TSHZ2: variants seen among roughly 807,000 people sequenced by gnomAD.
TSHZ2 encodes teashirt homolog 2.
Under a neutral mutation model 74.4 loss-of-function variants are expected in TSHZ2, and 21 were observed. The observed-to-expected ratio is 0.28, with a 90% CI of 0.20 to 0.41. The LOEUF (loss-of-function observed/expected upper bound fraction) is 0.41. Ranked by LOEUF, TSHZ2 falls within the 10% of genes least tolerant of loss-of-function variation. The pLI is 1.00. For synonymous variants in TSHZ2, 540 were observed against 515.3 expected (o/e 1.05, Z -0.65); for missense variants, 1,244 against 1,293.5 (o/e 0.96, Z 0.59).
intron 1 of TSHZ2, among the ~76,000 whole-genome samples, chr20:53,136,879 A>G (rs938824219): frequency 3.3e-5 from 5 of 152,046 alleles, no homozygotes; most frequent in African/African-American, 1.2e-4. Flanking sequence ...CCTGATTAAA[A>G]TGACTGTTAG....
chr20:52,979,788 G>C (rs554949877), intron 1 of TSHZ2, among the ~76,000 whole-genome samples: 1 of 152,210 alleles, frequency 6.6e-6, no homozygotes, highest in Non-Finnish European at 1.5e-5. Flanking sequence ...TAAAATTCAG[G>C]AGGCACAGCA....
intron 1 of TSHZ2, among the ~76,000 whole-genome samples, chr20:53,065,743 C>A (rs1223124852): frequency 1.3e-5 from 2 of 152,172 alleles, no homozygotes; most frequent in African/African-American, 2.4e-5. Context: ...GTGCTGCAGA[C>A]GTGAATATAT....
chr20:53,371,256 C>A (rs467670), intron 2 of TSHZ2, among the ~76,000 whole-genome samples: 1 of 152,010 alleles, frequency 6.6e-6, no homozygotes, highest in African/African-American at 2.4e-5. Flanking sequence ...ATGGATATGA[C>A]CTCTATTATA....
intron 1 of TSHZ2, among the ~76,000 whole-genome samples, chr20:53,000,543 G>A (rs529788265): frequency 1.3e-3 from 201 of 152,070 alleles, no homozygotes; most frequent in African/African-American, 4.7e-3. Context: ...CCAATGTAAA[G>A]AAAAAAATGA....
chr20:53,099,631 G>C (rs1986158098), intron 1 of TSHZ2, among the ~76,000 whole-genome samples: 1 of 152,196 alleles, frequency 6.6e-6, no homozygotes, highest in South Asian at 2.1e-4. Context: ...GGCCAGGGAG[G>C]CCTCACAATC....
At chr20:53,408,981 C>T (rs1270430660) in intron 2 of TSHZ2, among the ~76,000 whole-genome samples, 1 of 152,212 alleles carries the variant, frequency 6.6e-6, no homozygotes, top group Non-Finnish European at 1.5e-5. Flanking sequence ...TCACTGATTC[C>T]CTCTCTTCTG....
chr20:53,196,437 A>T (rs935891030), intron 1 of TSHZ2: 1 of 149,364 alleles, frequency 6.7e-6, no homozygotes, highest in Non-Finnish European at 1.5e-5. Context: ...GAAGTTCTTA[A>T]TTAGCATGGC....
At chr20:52,998,169 C>T (rs897020136) in intron 1 of TSHZ2, among the ~76,000 whole-genome samples, 27 of 152,192 alleles carry the variant, frequency 1.8e-4, no homozygotes, top group Middle Eastern at 3.4e-3. Context: ...CCCAGCTGTG[C>T]CTTCTTCTTT....
In TSHZ2 at chr20:53,254,216, C is replaced by T. The variant is rs141985599; in HGVS notation, c.758C>T (p.Thr253Met). The T allele has an allele frequency of 8.2e-5, 132 of 1,614,094 alleles. No individual in the cohort carries two copies. The highest frequency in any genetic ancestry group is 5.9e-4 in the African/African-American group (44 of 75,008). ...CGCAAAAAGGACAAGCTCAGACCCACGAGCTATTCAAAGCCCAGGAAAAGG... is the reference window on the plus strand; with the variant it reads ...CGCAAAAAGGACAAGCTCAGACCCATGAGCTATTCAAAGCCCAGGAAAAGG... ...DNRKKDKLRP[T>M]SYSKPRKRAF... The change falls in exon 2 of 3, where the codon ACG (threonine) becomes ATG (methionine). Residue 253 changes from threonine (T) to methionine (M), a missense_variant. Thr to Met is a moderately conservative substitution (Grantham distance 81). Transcript: ENST00000371497.
At chr20:53,371,135 A>G (rs1256926298) in intron 2 of TSHZ2, among the ~76,000 whole-genome samples, 1 of 152,090 alleles carries the variant, frequency 6.6e-6, no homozygotes, top group African/African-American at 2.4e-5. Context: ...ACCTCATCTT[A>G]ACTGAATTAC....
At chr20:53,462,986 T>A (rs1985427580) in intron 2 of TSHZ2, among the ~76,000 whole-genome samples, 2 of 152,174 alleles carry the variant, frequency 1.3e-5, no homozygotes, top group Admixed American at 1.3e-4. Flanking sequence ...GGCCTCTCTG[T>A]TCATGTAAAG....
At chr20:53,022,520 C>T (rs1347011297) in intron 1 of TSHZ2, among the ~76,000 whole-genome samples, 4 of 152,142 alleles carry the variant, frequency 2.6e-5, no homozygotes, top group Admixed American at 6.5e-5. Context: ...ATGCAGAATG[C>T]CTGAGTGGGC....
At chr20:53,265,671 C>G (rs912124824) in intron 2 of TSHZ2, among the ~76,000 whole-genome samples, 1 of 152,194 alleles carries the variant, frequency 6.6e-6, no homozygotes, top group East Asian at 1.9e-4. Context: ...TGTGGCTGCT[C>G]CTTGTGGGGG....
At chr20:53,011,023 G>A (rs968261907) in intron 1 of TSHZ2, among the ~76,000 whole-genome samples, 1 of 152,084 alleles carries the variant, frequency 6.6e-6, no homozygotes, top group African/African-American at 2.4e-5. Context: ...ATACTTGTAA[G>A]TAATACCAAT....
intron 1 of TSHZ2, chr20:53,185,725 A>G (rs914699987): frequency 7.0e-5 from 108 of 1,535,636 alleles, no homozygotes; most frequent in Non-Finnish European, 8.4e-5. Flanking sequence ...CTATGGCTCT[A>G]TTCTCTTGCT....
At chr20:52,997,814 T>C (rs563919391) in intron 1 of TSHZ2, among the ~76,000 whole-genome samples, 45 of 152,302 alleles carry the variant, frequency 3.0e-4, no homozygotes, top group African/African-American at 1.0e-3. Flanking sequence ...GCAAAGTGGG[T>C]TCATAAAATC....
intron 2 of TSHZ2, among the ~76,000 whole-genome samples, chr20:53,377,468 C>A (rs1981697799): frequency 6.6e-6 from 1 of 152,186 alleles, no homozygotes; most frequent in Non-Finnish European, 1.5e-5. Context: ...TGTCAGCAAA[C>A]TCATTCTTTA....
At chr20:53,317,695 AT>A (rs1221985534) in intron 2 of TSHZ2, among the ~76,000 whole-genome samples, 1 of 152,200 alleles carries the variant, frequency 6.6e-6, no homozygotes, top group African/African-American at 2.4e-5. Flanking sequence ...GTCGGCGTGA[AT>A]TGTATTACAA....
intron 2 of TSHZ2, among the ~76,000 whole-genome samples, chr20:53,472,923 T>C (rs1350544583): frequency 3.3e-5 from 5 of 152,152 alleles, no homozygotes; most frequent in South Asian, 2.1e-4. Context: ...CGGGTCACTC[T>C]CACCCGAATA....
Sources: gnomAD v4.1 joint callset for allele counts (sites outside exome capture counted in the v4.1 genomes callset) on GRCh38, gnomAD v4.1.1 for gene constraint, MANE v1.5 for transcripts, NCBI Gene and HGNC (gene_info 2026-07-23, HGNC 2026-07-21) for gene names.